GRIP2: variants seen among roughly 807,000 people sequenced by gnomAD.
GRIP2 encodes glutamate receptor-interacting protein 2.
Under a neutral mutation model 108.3 loss-of-function variants are expected in GRIP2, and 58 were observed. The observed-to-expected ratio is 0.54, with a 90% CI of 0.43 to 0.67. The LOEUF (loss-of-function observed/expected upper bound fraction) is 0.67, where lower values mean the gene tolerates loss of function less well. GRIP2 is among the 30% of genes least tolerant of loss of function. The probability of loss-of-function intolerance (pLI) is 0.00; values close to 1 mark genes in which losing one functional copy is unlikely to be tolerated. For synonymous variants in GRIP2, 586 were observed against 598.2 expected, an observed-to-expected ratio of 0.98 and a Z score of 0.30; for missense variants, 1,278 against 1,430.6, an observed-to-expected ratio of 0.89 and a Z score of 1.72.
In GRIP2 at chr3:14,507,724, G is replaced by A. The variant is rs1202198638; in HGVS notation, c.2079-24C>T. 2.5e-6 allele frequency: 4 copies of A among 1,606,646 alleles called. No homozygotes were observed. In the East Asian group the frequency reaches 6.7e-5, roughly 27 times the overall value. On this transcript the variant is annotated intron_variant, in intron 17 of 23. Coordinates refer to ENST00000621039, the MANE Select transcript of GRIP2 (RefSeq NM_001080423.4). The surrounding 1 kb of genome is among the most constrained non-coding windows in gnomAD (Gnocchi z 4.6). ...TCCTGAGGAGTGGATGCAGGGCAGA[G>A]AATGGGAGTTAGACACTCAGGGCCT...
At chr3:14,559,419 T>A (rs1278275417), upstream of GRIP2, among the ~76,000 whole-genome samples, 1 of 142,292 alleles carries the variant, frequency 7.0e-6, no homozygotes, top group Non-Finnish European at 1.5e-5. Flanking sequence ...AGCCAAGGTG[T>A]ATGCTGAGAA....
At chr3:14,498,771 C>T (rs1693686040) in intron 21 of GRIP2, among the ~76,000 whole-genome samples, 1 of 152,180 alleles carries the variant, frequency 6.6e-6, no homozygotes, top group Non-Finnish European at 1.5e-5. Flanking sequence ...TTCACACCTC[C>T]CTTCAAACAC....
At chr3:14,545,173 G>C (rs1267847614), upstream of GRIP2, among the ~76,000 whole-genome samples, 1 of 152,218 alleles carries the variant, frequency 6.6e-6, no homozygotes, top group Non-Finnish European at 1.5e-5. Context: ...TAACATAATC[G>C]GAGCAGAGAC....
intron 11 of GRIP2, among the ~76,000 whole-genome samples, chr3:14,516,661 A>G (rs1460339907): frequency 3.3e-5 from 5 of 152,222 alleles, no homozygotes; most frequent in African/African-American, 1.2e-4. Context: ...GGAAATTAAC[A>G]AATGGCAGAG....
chr3:14,523,129 G>A, intron 5 of GRIP2, 54 bp from the exon 6 acceptor site: 1 of 1,396,360 alleles, frequency 7.2e-7, no homozygotes, highest in Non-Finnish European at 9.9e-7. Context: ...TTCCCATCCA[G>A]AGGCTCCCAC....
At chr3:14,583,518 T>G in the GRIP2 span, among the ~76,000 whole-genome samples, 1 of 152,028 alleles carries the variant, frequency 6.6e-6, no homozygotes, top group Non-Finnish European at 1.5e-5. Flanking sequence ...TGACCAGAGC[T>G]CAGCTGGCAG....
intron 22 of GRIP2, 125 bp from the exon 23 acceptor site, chr3:14,495,114 AC>A: frequency 8.0e-7 from 1 of 1,252,626 alleles, no homozygotes; most frequent in Non-Finnish European, 1.1e-6. Flanking sequence ...AGGCTGCAGC[AC>A]CCCAGCCTCT....
the GRIP2 span, among the ~76,000 whole-genome samples, chr3:14,565,219 C>T: frequency 1.3e-5 from 2 of 152,216 alleles, no homozygotes; most frequent in African/African-American, 2.4e-5. Flanking sequence ...AAGGCTGGGT[C>T]TACCCTTGGG....
chr3:14,497,151 C>T (rs1482595315), intron 21 of GRIP2, among the ~76,000 whole-genome samples: 1 of 152,036 alleles, frequency 6.6e-6, no homozygotes, highest in South Asian at 2.1e-4. Context: ...TTTTTTAGTA[C>T]AGACGAGGTT....
chr3:14,496,294 C>G (rs1166540469), intron 22 of GRIP2, 123 bp downstream of exon 22: 1 of 775,190 alleles, frequency 1.3e-6, no homozygotes, highest in Non-Finnish European at 2.0e-6. Flanking sequence ...GAAAACTCAA[C>G]CCAGTTTTGT....
At chr3:14,547,630 A>G (rs1288990055) in intron 1 of GRIP2, among the ~76,000 whole-genome samples, 6 of 152,208 alleles carry the variant, frequency 3.9e-5, no homozygotes, top group African/African-American at 1.4e-4. Context: ...ACTGACTTGA[A>G]TGGGTGCTCA....
At chr3:14,593,839 G>A in the GRIP2 span, among the ~76,000 whole-genome samples, 1 of 152,166 alleles carries the variant, frequency 6.6e-6, no homozygotes, top group Non-Finnish European at 1.5e-5. Flanking sequence ...ACAACACAAA[G>A]ACACCCCCAC....
At chr3:14,589,864 T>G in the GRIP2 span, among the ~76,000 whole-genome samples, 2 of 146,978 alleles carry the variant, frequency 1.4e-5, no homozygotes, top group East Asian at 4.1e-4. Flanking sequence ...CACTGCAGCC[T>G]CAACCCCACA....
Position 14,548,251 on chromosome 3 carries a change from C to T in GRIP2, c.55+7649G>A, listed in dbSNP as rs544310484. Among the ~76,000 whole-genome samples, 462 of 152,330 alleles carry T rather than the reference C, an allele frequency of 3.0e-3. 7 individuals carry two copies. The highest frequency in any genetic ancestry group is 0.01 in the African/African-American group (430 of 41,574). ...TGGCTAGGCACGCAGGGCCGGGTTC[C>T]GCAGACACAGTTCTGCGGAGAAGAG... On this transcript the variant is annotated intron_variant, in intron 1 of 23. Transcript: ENST00000637182.
chr3:14,566,848 C>T, the GRIP2 span, among the ~76,000 whole-genome samples: 95 of 152,232 alleles, frequency 6.2e-4, no homozygotes, highest in African/African-American at 2.3e-3. Flanking sequence ...TACTCTGGGC[C>T]TCAGTTTCCC....
At chr3:14,557,230 G>A (rs1475353980), upstream of GRIP2, among the ~76,000 whole-genome samples, 1 of 152,240 alleles carries the variant, frequency 6.6e-6, no homozygotes, top group East Asian at 1.9e-4. Flanking sequence ...GGGCAGTTCT[G>A]GATACACAGA....
chr3:14,558,221 T>C (rs568150330), upstream of GRIP2, among the ~76,000 whole-genome samples: 3 of 152,274 alleles, frequency 2.0e-5, no homozygotes, highest in East Asian at 1.9e-4. Flanking sequence ...ACAGCATGCA[T>C]GCGGCAAAAC....
chr3:14,505,616 T>C lies in GRIP2; in HGVS notation c.2572A>G (p.Ser858Gly). 1 of 1,609,266 alleles carries C rather than the reference T, an allele frequency of 6.2e-7. No homozygotes were observed. The highest frequency in any genetic ancestry group is 1.1e-5 in the South Asian group (1 of 89,958). ...EEEDDWEPPT[S>G]PAPGPAREEG... is the part of the protein sequence containing the mutation. Reference sequence around the variant, plus strand: ...CTTCACGGTGCTCCCACCACAGACCTCGTTGGCGGCTCCCAATCATCCTCC... The same window carrying C: ...CTTCACGGTGCTCCCACCACAGACCCCGTTGGCGGCTCCCAATCATCCTCC... The change falls in exon 20 of 24, where the codon AGC becomes GGC. Residue 858 changes from serine to glycine, a missense_variant and splice_region_variant. Transcript: ENST00000621039. The surrounding 1 kb of genome is among the most constrained non-coding windows in gnomAD (Gnocchi z 4.2).
chr3:14,527,801 C>A (rs1694604604), intron 1 of GRIP2, among the ~76,000 whole-genome samples: 1 of 152,030 alleles, frequency 6.6e-6, no homozygotes, highest in Admixed American at 6.5e-5. Context: ...GAGGCTGAGG[C>A]CGGAGAATCG....
Sources: allele counts gnomAD v4.1 joint callset (sites outside exome capture counted in the v4.1 genomes callset), GRCh38; gene constraint gnomAD v4.1.1; non-coding constraint Gnocchi (gnomAD v3.1); transcripts MANE v1.5; gene names NCBI Gene and HGNC (gene_info 2026-07-23, HGNC 2026-07-21).